The following BRWD3 variants were observed in gnomAD, a reference collection of about 807,000 sequenced individuals.
BRWD3 encodes bromodomain and WD repeat-containing protein 3.
Under a neutral mutation model 149.7 loss-of-function variants are expected in BRWD3, and 10 were observed. The ratio of observed to expected loss-of-function variants is 0.07; its 90% confidence interval spans 0.04 to 0.11. The LOEUF (loss-of-function observed/expected upper bound fraction) is 0.11, where lower values mean the gene tolerates loss of function less well. Among genes scored for constraint, BRWD3 ranks in the 10% least tolerant of loss-of-function variants. The pLI is 1.00. For missense variants in BRWD3, 940 were observed against 1,373.2 expected (o/e 0.68, Z 4.99); for synonymous variants, 504 against 456.7 (o/e 1.10, Z -1.32).
At position 80,702,373 on chromosome X, in the gene BRWD3, T is replaced by C. The variant is rs759861411; in HGVS notation, c.2835+1107A>G. Among the ~76,000 whole-genome samples the C allele has an allele frequency of 4.5e-5, 5 of 112,213 alleles. No homozygotes were observed. In the South Asian group the frequency reaches 1.8e-3, roughly 41 times the overall value. ...AAATAGTCCTTAGACAGGAGTCTCA[T>C]TAGGTCTTAGAGTGTACAGATCCTT... On this transcript the variant is annotated intron_variant, in intron 24 of 40. Transcript: ENST00000373275.
intron 5 of BRWD3, among the ~76,000 whole-genome samples, chrX:80,793,255 TAC>T (rs1277139275): frequency 2.7e-5 from 3 of 109,386 alleles, no homozygotes; most frequent in Non-Finnish European, 5.7e-5. Flanking sequence ...AATTTTGATT[TAC>T]CTGTTACGAA....
intron 30 of BRWD3, 67 bp downstream of exon 30, chrX:80,691,756 C>T (rs986843601): frequency 8.6e-7 from 1 of 1,165,259 alleles, no homozygotes; most frequent in African/African-American, 1.8e-5. Context: ...TTCTGTAGAA[C>T]TTAAAACTTC....
At chrX:80,792,644 T>C (rs1400693091) in intron 5 of BRWD3, among the ~76,000 whole-genome samples, 1 of 111,767 alleles carries the variant, frequency 8.9e-6, no homozygotes, top group Non-Finnish European at 1.9e-5. Flanking sequence ...CTATTTACCT[T>C]GGAGAATTAG....
intron 6 of BRWD3, among the ~76,000 whole-genome samples, chrX:80,761,227 T>C (rs2073799439): frequency 8.9e-6 from 1 of 112,205 alleles, no homozygotes; most frequent in South Asian, 3.7e-4. Flanking sequence ...CCTGTAACAG[T>C]TCAAGATCAG....
intron 20 of BRWD3, chrX:80,710,323 T>A (rs2072942650): frequency 3.0e-6 from 1 of 333,234 alleles, no homozygotes; most frequent in South Asian, 3.4e-5. Flanking sequence ...TTACTGCTGG[T>A]TATAATGATA....
At chrX:80,692,042 T>A (rs1279983720) in intron 29 of BRWD3, 47 bp downstream of exon 29, 12 of 1,188,780 alleles carry the variant, frequency 1.0e-5, no homozygotes, top group Non-Finnish European at 1.4e-5. Context: ...GTGATTACCA[T>A]TTTACTTTTA....
intron 20 of BRWD3, chrX:80,710,095 G>GA (rs1483494575): frequency 3.3e-5 from 25 of 756,993 alleles, no homozygotes; most frequent in Admixed American, 6.8e-5. Flanking sequence ...CAGCTCATCA[G>GA]AAAAAAATTC....
intron 26 of BRWD3, among the ~76,000 whole-genome samples, chrX:80,696,468 G>T (rs1323066493): frequency 9.4e-6 from 1 of 106,454 alleles, no homozygotes; most frequent in African/African-American, 3.4e-5. Flanking sequence ...AATTCAGAGA[G>T]GTTAAGTAAC....
chrX:80,679,817 C>T (rs998855453), intron 40 of BRWD3, among the ~76,000 whole-genome samples: 2 of 108,218 alleles, frequency 1.8e-5, no homozygotes, highest in Non-Finnish European at 3.8e-5. Flanking sequence ...GGACAGACAC[C>T]GTACTATAAA....
chrX:80,695,428 G>T (rs2072674204), intron 27 of BRWD3, among the ~76,000 whole-genome samples: 1 of 111,370 alleles, frequency 9.0e-6, no homozygotes, highest in Admixed American at 9.6e-5. Context: ...TTATACAATA[G>T]AGCTATAAGC....
At chrX:80,798,657 G>T (rs1372668846) in intron 4 of BRWD3, among the ~76,000 whole-genome samples, 1 of 110,483 alleles carries the variant, frequency 9.1e-6, no homozygotes, top group Non-Finnish European at 1.9e-5. Flanking sequence ...ATAAGGCCAG[G>T]TGTGGTGGCT....
At chrX:80,683,904 T>G in intron 37 of BRWD3, 106 bp downstream of exon 37, 1 of 762,983 alleles carries the variant, frequency 1.3e-6, no homozygotes, top group Non-Finnish European at 2.0e-6. Flanking sequence ...TGTATCTTTA[T>G]GCATGCCTAA....
chrX:80,733,554 G>T, intron 11 of BRWD3, 58 bp from the exon 12 acceptor site: 1 of 941,590 alleles, frequency 1.1e-6, no homozygotes, highest in Non-Finnish European at 1.5e-6. Context: ...TGAATTAAGT[G>T]CTCTTTCTCT....
At chrX:80,789,283 G>A (rs2074149432) in intron 6 of BRWD3, among the ~76,000 whole-genome samples, 1 of 112,701 alleles carries the variant, frequency 8.9e-6, no homozygotes, top group Non-Finnish European at 1.9e-5. Context: ...TTATAACCAA[G>A]TTCCCCAAAT....
intron 39 of BRWD3, 132 bp from the exon 40 acceptor site, chrX:80,681,631 A>G (rs2072449161): frequency 1.8e-6 from 1 of 555,050 alleles, no homozygotes; most frequent in East Asian, 3.6e-5. Context: ...TAAGAAAATG[A>G]TATGAATATT....
chrX:80,783,215 A>G (rs2147843356), intron 6 of BRWD3, among the ~76,000 whole-genome samples: 1 of 109,614 alleles, frequency 9.1e-6, no homozygotes, highest in East Asian at 2.9e-4. Flanking sequence ...GTGAAACCCC[A>G]TCTCTACCAA....
chrX:80,744,288 A>G (rs200051261), intron 7 of BRWD3, 35 bp from the exon 8 acceptor site: 244 of 1,004,711 alleles, frequency 2.4e-4, no homozygotes, highest in Non-Finnish European at 3.1e-4. Context: ...TTTATAATGA[A>G]GCAGAAATTC....
chrX:80,802,313 A>C (rs926138548), intron 4 of BRWD3, among the ~76,000 whole-genome samples: 3 of 108,823 alleles, frequency 2.8e-5, no homozygotes, highest in Non-Finnish European at 5.7e-5. Context: ...CTGGTGGCGC[A>C]CGCCTATAAT....
intron 5 of BRWD3, among the ~76,000 whole-genome samples, chrX:80,793,409 T>C (rs1014227049): frequency 1.8e-5 from 2 of 110,773 alleles, no homozygotes; most frequent in Non-Finnish European, 3.8e-5. Flanking sequence ...AAAGGTATTT[T>C]ATATTCTTTA....
Sources: gnomAD v4.1 joint callset for allele counts (sites outside exome capture counted in the v4.1 genomes callset) on GRCh38, gnomAD v4.1.1 for gene constraint, MANE v1.5 for transcripts, NCBI Gene and HGNC (gene_info 2026-07-23, HGNC 2026-07-21) for gene names.